The following CNTNAP2 variants were observed in gnomAD, a reference collection of about 807,000 sequenced individuals.
CNTNAP2 encodes contactin associated protein 2, also known as contactin-associated protein-like 2.
CNTNAP2 carries 98 observed loss-of-function variants against 155.2 expected under a neutral mutation model. That is an observed-to-expected ratio of 0.63 (90% CI 0.54 to 0.75). CNTNAP2 has a LOEUF of 0.75. Among genes scored for constraint, CNTNAP2 ranks in the 30% least tolerant of loss-of-function variants. CNTNAP2 has a pLI of 0.00. For synonymous variants in CNTNAP2, 651 were observed against 631.2 expected (o/e 1.03, Z -0.47); for missense variants, 1,727 against 1,688.1 (o/e 1.02, Z -0.40).
At chr7:146,891,132 A>C (rs1224260844) in intron 3 of CNTNAP2, among the ~76,000 whole-genome samples, 8 of 152,212 alleles carry the variant, frequency 5.3e-5, no homozygotes, top group African/African-American at 2.4e-5. Flanking sequence ...TCCTAAGTGA[A>C]TTAATGCTGG....
intron 21 of CNTNAP2, among the ~76,000 whole-genome samples, chr7:148,327,878 TC>T (rs1304466291): frequency 6.6e-6 from 1 of 151,704 alleles, no homozygotes; most frequent in African/African-American, 2.4e-5. Flanking sequence ...GGAGACCTAA[TC>T]ATCTCCACAC....
intron 1 of CNTNAP2, 27 bp from the exon 2 acceptor site, chr7:146,774,244 C>T: frequency 6.6e-7 from 1 of 1,523,544 alleles, no homozygotes; most frequent in Middle Eastern, 1.7e-4. Flanking sequence ...TTGAGTGTCT[C>T]TCTCCCTCTC....
At chr7:147,474,912 A>C (rs182017002) in intron 10 of CNTNAP2, among the ~76,000 whole-genome samples, 2 of 152,312 alleles carry the variant, frequency 1.3e-5, no homozygotes, top group Admixed American at 1.3e-4. Context: ...TCTGACCTTC[A>C]TGCATCACCA....
intron 9 of CNTNAP2, among the ~76,000 whole-genome samples, chr7:147,375,145 A>T (rs1796413925): frequency 6.6e-6 from 1 of 152,040 alleles, no homozygotes; most frequent in African/African-American, 2.4e-5. Flanking sequence ...AGGCCTCCTC[A>T]GCCATGTGGA....
intron 9 of CNTNAP2, among the ~76,000 whole-genome samples, chr7:147,316,088 A>C (rs767017413): frequency 2.0e-5 from 3 of 152,018 alleles, no homozygotes; most frequent in East Asian, 3.9e-4. Flanking sequence ...TTTTGATTGC[A>C]CATATGTTTT....
intron 1 of CNTNAP2, among the ~76,000 whole-genome samples, chr7:146,197,680 AG>A (rs1414399577): frequency 2.6e-5 from 4 of 152,230 alleles, no homozygotes; most frequent in Non-Finnish European, 5.9e-5. Context: ...TGTATTTTTA[AG>A]GAAAAATGAC....
intron 1 of CNTNAP2, among the ~76,000 whole-genome samples, chr7:146,740,665 A>G (rs1202938423): frequency 6.6e-6 from 1 of 152,212 alleles, no homozygotes; most frequent in Non-Finnish European, 1.5e-5. Context: ...TAGCACTGCC[A>G]GAATCCTGGG....
At chr7:146,454,032 TA>T (rs1387983925) in intron 1 of CNTNAP2, among the ~76,000 whole-genome samples, 4 of 151,930 alleles carry the variant, frequency 2.6e-5, no homozygotes, top group African/African-American at 9.7e-5. Flanking sequence ...TCAAAAAAAA[TA>T]GAAGTTCAAA....
rs185119396 is a variant in CNTNAP2, at chr7:146,374,026, T to C, written c.97+257053T>C. 9.6e-3 allele frequency among the ~76,000 whole-genome samples: 1,462 copies of C among 152,236 alleles called. 22 individuals are homozygous for C. The highest frequency in any genetic ancestry group is 0.032 in the African/African-American group (1,346 of 41,556). On this transcript the variant is annotated intron_variant, in intron 1 of 23. Coordinates refer to ENST00000361727, the MANE Select transcript of CNTNAP2 (RefSeq NM_014141.6). The stretch of plus-strand genomic sequence containing the variant: ...AGGATATATTTCATTTAAACAGGGG[T>C]GTCAACCAAGAAAGAGGAAGGTATA...
At chr7:147,313,779 G>GT (rs1255183481) in intron 9 of CNTNAP2, among the ~76,000 whole-genome samples, 1 of 152,052 alleles carries the variant, frequency 6.6e-6, no homozygotes, top group Non-Finnish European at 1.5e-5. Flanking sequence ...CTTTAAAGTA[G>GT]TTTTTTCCCA....
intron 14 of CNTNAP2, among the ~76,000 whole-genome samples, chr7:147,917,733 G>A (rs1040078136): frequency 2.0e-5 from 3 of 152,138 alleles, no homozygotes; most frequent in Non-Finnish European, 4.4e-5. Flanking sequence ...GGGCAACTAA[G>A]AGCCTCTGTC....
intron 1 of CNTNAP2, among the ~76,000 whole-genome samples, chr7:146,698,521 C>A (rs907621424): frequency 6.6e-6 from 1 of 152,026 alleles, no homozygotes; most frequent in African/African-American, 2.4e-5. Context: ...CTTCCTCCAC[C>A]CCTTCTTGGC....
At chr7:147,507,623 G>C (rs1452597019) in intron 11 of CNTNAP2, among the ~76,000 whole-genome samples, 4 of 140,164 alleles carry the variant, frequency 2.9e-5, no homozygotes, top group African/African-American at 8.1e-5. Context: ...GGCAATCTCG[G>C]CTCACTGCAA....
At chr7:147,784,407 TGTA>T (rs1797702944) in intron 13 of CNTNAP2, among the ~76,000 whole-genome samples, 14 of 130,362 alleles carry the variant, frequency 1.1e-4, no homozygotes, top group African/African-American at 2.3e-4. Flanking sequence ...TATATATATA[TGTA>T]ACATATAATA....
intron 8 of CNTNAP2, among the ~76,000 whole-genome samples, chr7:147,242,679 A>G (rs985110958): frequency 2.0e-5 from 3 of 151,972 alleles, no homozygotes; most frequent in Non-Finnish European, 2.9e-5. Flanking sequence ...TCCATTTATT[A>G]TTTCTTCTTT....
chr7:148,264,337 T>C (rs969187090), intron 20 of CNTNAP2, among the ~76,000 whole-genome samples: 5 of 152,220 alleles, frequency 3.3e-5, no homozygotes, highest in African/African-American at 7.2e-5. Flanking sequence ...AAAGTTAACA[T>C]TGACTATCAG....
chr7:147,588,473 A>T (rs932933914), intron 12 of CNTNAP2, among the ~76,000 whole-genome samples: 7 of 152,152 alleles, frequency 4.6e-5, no homozygotes, highest in African/African-American at 1.7e-4. Flanking sequence ...CTCTTTCTTC[A>T]CCCCTTCCAG....
chr7:146,168,022 A>C (rs1353875545), intron 1 of CNTNAP2, among the ~76,000 whole-genome samples: 2 of 151,910 alleles, frequency 1.3e-5, no homozygotes, highest in African/African-American at 2.4e-5. Flanking sequence ...AGAATGCAGT[A>C]TGGGGAGAAA....
chr7:146,503,294 A>T lies in CNTNAP2; in HGVS notation c.98-270977A>T, dbSNP rs184064688. Among the ~76,000 whole-genome samples the T allele has an allele frequency of 2.0e-5, 3 of 152,292 alleles. No homozygotes were observed. The East Asian group carries it at 5.8e-4, about 29-fold the overall frequency. On this transcript the variant is annotated intron_variant, in intron 1 of 23. Coordinates refer to ENST00000361727, the MANE Select transcript of CNTNAP2 (RefSeq NM_014141.6). ...TCTTTGCCAAGATCAAACTTGTCCA[A>T]CCCGCAGCCTATGGGCCACATGCAG...
Sources: allele counts gnomAD v4.1 joint callset (sites outside exome capture counted in the v4.1 genomes callset), GRCh38; gene constraint gnomAD v4.1.1; transcripts MANE v1.5; gene names NCBI Gene and HGNC (gene_info 2026-07-23, HGNC 2026-07-21).